The following SPATA16 variants were observed in gnomAD, a reference collection of about 807,000 sequenced individuals.
The protein encoded by SPATA16 is spermatogenesis-associated protein 16.
Under a neutral mutation model 63.3 loss-of-function variants are expected in SPATA16, and 36 were observed. The observed-to-expected ratio is 0.57, with a 90% confidence interval of 0.44 to 0.75. The LOEUF (loss-of-function observed/expected upper bound fraction) is 0.75. Ranked by LOEUF, SPATA16 falls within the 30% of genes least tolerant of loss-of-function variation. The pLI, the probability that SPATA16 is intolerant of heterozygous loss-of-function variation, is 0.00. For synonymous variants in SPATA16, 203 were observed against 216.7 expected (o/e 0.94, Z 0.56); for missense variants, 646 against 679.3 (o/e 0.95, Z 0.54).
At chr3:173,004,283 G>A (rs915356873) in intron 4 of SPATA16, among the ~76,000 whole-genome samples, 18 of 152,040 alleles carry the variant, frequency 1.2e-4, no homozygotes, top group African/African-American at 3.1e-4. Flanking sequence ...AGTTGGAGTC[G>A]GGACCAGCTG....
intron 6 of SPATA16, among the ~76,000 whole-genome samples, chr3:172,947,891 C>T (rs986812093): frequency 7.9e-5 from 12 of 151,992 alleles, no homozygotes; most frequent in African/African-American, 1.9e-4. Flanking sequence ...CACATGTATA[C>T]GTATGTAACA....
chr3:172,999,109 A>C (rs1314163063), intron 4 of SPATA16, among the ~76,000 whole-genome samples: 1 of 152,164 alleles, frequency 6.6e-6, no homozygotes, highest in Non-Finnish European at 1.5e-5. Context: ...ATTGTGAAAA[A>C]TTTGTATAAT....
intron 5 of SPATA16, among the ~76,000 whole-genome samples, chr3:172,968,558 A>G (rs1234403907): frequency 1.3e-5 from 2 of 151,986 alleles, no homozygotes; most frequent in Admixed American, 1.3e-4. Flanking sequence ...TGTATATAGT[A>G]AAATCTACAC....
At chr3:173,061,236 A>T (rs1307836566) in intron 2 of SPATA16, among the ~76,000 whole-genome samples, 1 of 152,222 alleles carries the variant, frequency 6.6e-6, no homozygotes, top group African/African-American at 2.4e-5. Context: ...ACAGAGAGAG[A>T]TACTAACTAG....
At chr3:173,010,924 C>T (rs1273403144) in intron 4 of SPATA16, among the ~76,000 whole-genome samples, 1 of 151,922 alleles carries the variant, frequency 6.6e-6, no homozygotes, top group Non-Finnish European at 1.5e-5. Flanking sequence ...TATCGAGTTC[C>T]AAAGTTGAAT....
At chr3:172,982,195 C>G (rs1432055133) in intron 4 of SPATA16, among the ~76,000 whole-genome samples, 1 of 152,172 alleles carries the variant, frequency 6.6e-6, no homozygotes, top group African/African-American at 2.4e-5. Context: ...ACATAGCTTA[C>G]TAGGATTCTA....
At chr3:172,890,593 CA>C (rs1028980979) in intron 10 of SPATA16, among the ~76,000 whole-genome samples, 33 of 152,042 alleles carry the variant, frequency 2.2e-4, no homozygotes, top group Non-Finnish European at 2.1e-4. Context: ...TTCAATTTTC[CA>C]ATTTTGAGTT....
At chr3:173,118,463 G>A (rs1359840564) in intron 1 of SPATA16, among the ~76,000 whole-genome samples, 1 of 152,126 alleles carries the variant, frequency 6.6e-6, no homozygotes, top group Non-Finnish European at 1.5e-5. Flanking sequence ...AAACATTAAT[G>A]CTCAAAATAT....
At chr3:173,025,409 A>C (rs1171474786) in intron 3 of SPATA16, among the ~76,000 whole-genome samples, 1 of 151,850 alleles carries the variant, frequency 6.6e-6, no homozygotes, top group Non-Finnish European at 1.5e-5. Flanking sequence ...CATGTTCTAT[A>C]ATACTTTTCA....
At chr3:172,964,237 C>A (rs1463004116) in intron 5 of SPATA16, among the ~76,000 whole-genome samples, 1 of 152,154 alleles carries the variant, frequency 6.6e-6, no homozygotes, top group Non-Finnish European at 1.5e-5. Flanking sequence ...AGATGAATGG[C>A]TTTTTGATAG....
intron 2 of SPATA16, among the ~76,000 whole-genome samples, chr3:173,100,646 A>T (rs1737466398): frequency 6.7e-6 from 1 of 148,448 alleles, no homozygotes; most frequent in Non-Finnish European, 1.5e-5. Context: ...TTAAAAGCAC[A>T]GATCACATAA....
At chr3:172,913,956 C>T (rs781388887) in intron 9 of SPATA16, among the ~76,000 whole-genome samples, 1 of 152,044 alleles carries the variant, frequency 6.6e-6, no homozygotes, top group Non-Finnish European at 1.5e-5. Context: ...AGATTCTTCT[C>T]GAAAATTTGT....
At chr3:172,998,798 A>G (rs932420448) in intron 4 of SPATA16, among the ~76,000 whole-genome samples, 4 of 152,168 alleles carry the variant, frequency 2.6e-5, no homozygotes, top group African/African-American at 7.2e-5. Context: ...ATTTGTTGCT[A>G]TGATTATGCG....
chr3:172,894,699 T>C (rs1731972271), intron 10 of SPATA16, among the ~76,000 whole-genome samples: 1 of 152,200 alleles, frequency 6.6e-6, no homozygotes, highest in Non-Finnish European at 1.5e-5. Flanking sequence ...AGTATTAGAA[T>C]GTAAGATCTT....
chr3:173,087,824 T>G (rs1237421359), intron 2 of SPATA16, among the ~76,000 whole-genome samples: 2 of 152,168 alleles, frequency 1.3e-5, no homozygotes, highest in African/African-American at 4.8e-5. Flanking sequence ...TGGAAATTCT[T>G]TGCTTTAAGA....
chr3:172,984,258 G>A (rs989618942), intron 4 of SPATA16, among the ~76,000 whole-genome samples: 5 of 152,114 alleles, frequency 3.3e-5, no homozygotes, highest in Admixed American at 6.5e-5. Flanking sequence ...TCTATCTGAC[G>A]ACGCTGATCT....
chr3:173,136,663 G>A (rs993079165), intron 1 of SPATA16, among the ~76,000 whole-genome samples: 1 of 152,184 alleles, frequency 6.6e-6, no homozygotes, highest in Non-Finnish European at 1.5e-5. Flanking sequence ...CTGTGGCAGA[G>A]GGAGGAATAA....
chr3:173,089,877 A>G (rs1217378130), intron 2 of SPATA16, among the ~76,000 whole-genome samples: 1 of 152,150 alleles, frequency 6.6e-6, no homozygotes, highest in Non-Finnish European at 1.5e-5. Context: ...TGAGATTATG[A>G]CAACTGCTCA....
At chr3:173,030,549 A>G (rs1331702219) in intron 3 of SPATA16, among the ~76,000 whole-genome samples, 2 of 152,114 alleles carry the variant, frequency 1.3e-5, no homozygotes, top group Admixed American at 1.3e-4. Context: ...ACCCATTAGA[A>G]TAGCTACTAT....
Sources: allele counts gnomAD v4.1 joint callset (sites outside exome capture counted in the v4.1 genomes callset), GRCh38; gene constraint gnomAD v4.1.1; transcripts MANE v1.5; gene names NCBI Gene and HGNC (gene_info 2026-07-23, HGNC 2026-07-21).